PLXDC1: variants seen among roughly 807,000 people sequenced by gnomAD.
PLXDC1 encodes plexin domain-containing protein 1.
In PLXDC1, 39 loss-of-function variants were observed where a neutral mutation model predicts 61.3. That is an observed-to-expected ratio of 0.64 (90% CI 0.49 to 0.83). The LOEUF is 0.83. Among genes scored for constraint, PLXDC1 ranks in the 40% least tolerant of loss-of-function variants. The pLI, the probability that PLXDC1 is intolerant of heterozygous loss-of-function variation, is 0.00. For synonymous variants in PLXDC1, 212 were observed against 254.5 expected, an observed-to-expected ratio of 0.83 and a Z score of 1.59; for missense variants, 596 against 666.5, an observed-to-expected ratio of 0.89 and a Z score of 1.17.
intron 13 of PLXDC1, among the ~76,000 whole-genome samples, chr17:39,068,203 C>A (rs1908972161): frequency 6.6e-6 from 1 of 152,240 alleles, no homozygotes; most frequent in Non-Finnish European, 1.5e-5. Flanking sequence ...TTATCCTTCA[C>A]TGTGTGGTCT....
intron 4 of PLXDC1, 21 bp from the exon 5 acceptor site, chr17:39,108,266 A>G (rs888110033): frequency 7.4e-6 from 12 of 1,613,006 alleles, no homozygotes; most frequent in Admixed American, 1.7e-5. Context: ...AGAGGTGCAG[A>G]GGAGTCACCA....
At chr17:39,107,271 G>C in intron 6 of PLXDC1, 136 bp downstream of exon 6, 2 of 604,108 alleles carry the variant, frequency 3.3e-6, no homozygotes, top group South Asian at 4.3e-5. Context: ...CAAAAGGGTA[G>C]GACCCGCAAA....
chr17:39,096,759 T>C, intron 7 of PLXDC1: 1 of 361,012 alleles, frequency 2.8e-6, no homozygotes, highest in South Asian at 2.1e-5. Context: ...TCAGTTTCGA[T>C]GTTGGCAATG....
At chr17:39,097,069 C>G in intron 7 of PLXDC1, 1 of 461,952 alleles carries the variant, frequency 2.2e-6, no homozygotes, top group Non-Finnish European at 4.5e-6. Context: ...GTGAGGAGTC[C>G]TCCCCATTGC....
intron 10 of PLXDC1, 134 bp from the exon 11 acceptor site, chr17:39,078,182 A>C (rs1189634776): frequency 1.2e-6 from 1 of 842,600 alleles, no homozygotes; most frequent in East Asian, 2.8e-5. Flanking sequence ...CTGAGATGCC[A>C]ATCTTAAATA....
rs117781773 is a variant in PLXDC1 at position 39,132,440 on chromosome 17, G to A, written c.255+7214C>T. On this transcript the variant is annotated intron_variant, in intron 2 of 13. Coordinates refer to ENST00000315392, the MANE Select transcript of PLXDC1 (RefSeq NM_020405.5). ...GAATTGGTCTTGGTGGAAAATCTCCGGAAATCTTGAGTCTGGACAAGAGTC... is the reference window on the plus strand; with the variant it reads ...GAATTGGTCTTGGTGGAAAATCTCCAGAAATCTTGAGTCTGGACAAGAGTC... Among the ~76,000 whole-genome samples the A allele has an allele frequency of 3.0e-3, 456 of 152,244 alleles. 15 individuals carry two copies. In the East Asian group the frequency reaches 0.056, roughly 19 times the overall value.
intron 2 of PLXDC1, among the ~76,000 whole-genome samples, chr17:39,117,274 C>T (rs1425748168): frequency 6.6e-6 from 1 of 152,138 alleles, no homozygotes; most frequent in African/African-American, 2.4e-5. Context: ...AACCTGGGTC[C>T]CCTGCCACCT....
intron 7 of PLXDC1, among the ~76,000 whole-genome samples, chr17:39,097,670 G>A (rs968861929): frequency 6.6e-6 from 1 of 151,454 alleles, no homozygotes; most frequent in Admixed American, 6.6e-5. Context: ...TGGCTTGAGC[G>A]TAAGAATTCA....
At chr17:39,136,544 C>G (rs555366672) in intron 2 of PLXDC1, among the ~76,000 whole-genome samples, 1 of 151,912 alleles carries the variant, frequency 6.6e-6, no homozygotes, top group Non-Finnish European at 1.5e-5. Context: ...CCACCGTGCC[C>G]GGCCCAAAGT....
intron 2 of PLXDC1, among the ~76,000 whole-genome samples, chr17:39,123,338 G>A (rs1463158585): frequency 6.6e-6 from 1 of 151,780 alleles, no homozygotes; most frequent in Non-Finnish European, 1.5e-5. Context: ...TTACAGATGT[G>A]AGCCACCACA....
At chr17:39,103,347 G>A (rs2143635409) in intron 7 of PLXDC1, among the ~76,000 whole-genome samples, 1 of 152,004 alleles carries the variant, frequency 6.6e-6, no homozygotes, top group Non-Finnish European at 1.5e-5. Context: ...ACCACCCCAG[G>A]CAACATGGGA....
chr17:39,068,035 G>A (rs4405583), intron 13 of PLXDC1, 76 bp from the exon 14 acceptor site: 440,998 of 1,472,144 alleles, frequency 0.3, 69,607 homozygotes, highest in Admixed American at 0.51. Context: ...GAGCGACAGA[G>A]CCAACCAAGA....
At chr17:39,094,369 G>A (rs1910064110) in intron 7 of PLXDC1, among the ~76,000 whole-genome samples, 1 of 152,164 alleles carries the variant, frequency 6.6e-6, no homozygotes, top group African/African-American at 2.4e-5. Context: ...CAGGGTGCCT[G>A]AGGCCATAGG....
chr17:39,091,490 T>C (rs991126793), intron 7 of PLXDC1, among the ~76,000 whole-genome samples: 1 of 152,102 alleles, frequency 6.6e-6, no homozygotes, highest in African/African-American at 2.4e-5. Context: ...CTCCCTCCCT[T>C]CCTTCCATCC....
chr17:39,076,099 A>T (rs1180060466), intron 11 of PLXDC1, among the ~76,000 whole-genome samples: 1 of 139,142 alleles, frequency 7.2e-6, no homozygotes, highest in Admixed American at 6.8e-5. Context: ...AAGAAAAAAA[A>T]AAAAAGAAAG....
chr17:39,077,980 G>A lies in PLXDC1; in HGVS notation c.1119C>T (p.Phe373=), dbSNP rs2143330864. Residue 373 remains phenylalanine, a synonymous_variant, in exon 11 of 14, where the codon TTC becomes TTT. Transcript: ENST00000315392. The part of the protein sequence containing the change: ...DHDSASPDTS[F]SPYDGDLTTT... ...TGGTGAGGTCTCCATCATAGGGGCT[G>A]AAGGAAGTGTCAGGGGAGGCTGAGT... The A allele has an allele frequency of 6.2e-7, 1 of 1,613,896 alleles. No individual in the cohort carries two copies. Among genetic ancestry groups the A allele is most frequent in the Admixed American group, 1.7e-5 (1 of 60,020 alleles).
chr17:39,127,943 CAAAA>C (rs35444362), intron 2 of PLXDC1, among the ~76,000 whole-genome samples: 8 of 52,900 alleles, frequency 1.5e-4, no homozygotes, highest in African/African-American at 5.7e-4. Context: ...CTCCATCTCA[CAAAA>C]AAAAAAAAAA....
rs537091475 is a variant in PLXDC1 at position 39,077,321 on chromosome 17, C to T, written c.1186+592G>A. On this transcript the variant is annotated intron_variant, in intron 11 of 13. Coordinates refer to ENST00000315392, the MANE Select transcript of PLXDC1 (RefSeq NM_020405.5). ...CCTGGGACACCGCCTGGTGCATTCA[C>T]GGGGATGGACCTCTGGCAGCTTCAA... Among the ~76,000 whole-genome samples the T allele has an allele frequency of 1.8e-4, 27 of 152,266 alleles. No individual in the cohort carries two copies. In the South Asian group the frequency reaches 5.0e-3, roughly 28 times the overall value.
At chr17:39,113,781 G>A (rs1910884975) in intron 2 of PLXDC1, among the ~76,000 whole-genome samples, 1 of 151,892 alleles carries the variant, frequency 6.6e-6, no homozygotes, top group Non-Finnish European at 1.5e-5. Context: ...AGCCCAGGAG[G>A]TCGAGGCTGC....
Sources: gnomAD v4.1 joint callset for allele counts (sites outside exome capture counted in the v4.1 genomes callset) on GRCh38, gnomAD v4.1.1 for gene constraint, MANE v1.5 for transcripts, NCBI Gene and HGNC (gene_info 2026-07-23, HGNC 2026-07-21) for gene names.